The following PCDH9 variants were observed in gnomAD, a reference collection of about 807,000 sequenced individuals.
PCDH9 encodes the protein protocadherin-9.
In PCDH9, 24 loss-of-function variants were observed where a neutral mutation model predicts 70.6. The ratio of observed to expected loss-of-function variants is 0.34; its 90% confidence interval spans 0.25 to 0.48. The LOEUF (loss-of-function observed/expected upper bound fraction) is 0.48. Among genes scored for constraint, PCDH9 ranks in the 20% least tolerant of loss-of-function variants. The probability of loss-of-function intolerance (pLI) is 0.99; values close to 1 mark genes in which losing one functional copy is unlikely to be tolerated. For missense variants in PCDH9, 1,281 were observed against 1,503.6 expected, an observed-to-expected ratio of 0.85 and a Z score of 2.45; for synonymous variants, 562 against 558.5, an observed-to-expected ratio of 1.01 and a Z score of -0.09.
chr13:66,403,260 C>T (rs1327051648), intron 4 of PCDH9, among the ~76,000 whole-genome samples: 16 of 152,088 alleles, frequency 1.1e-4, no homozygotes, highest in African/African-American at 3.9e-4. Flanking sequence ...CCACCTTAGC[C>T]TCCCGAGTAG....
chr13:66,763,600 T>A (rs2079662191), intron 3 of PCDH9, among the ~76,000 whole-genome samples: 1 of 152,022 alleles, frequency 6.6e-6, no homozygotes, highest in Non-Finnish European at 1.5e-5. Flanking sequence ...TAGAGAGGAA[T>A]GAGTAGTCAT....
intron 2 of PCDH9, among the ~76,000 whole-genome samples, chr13:67,015,998 T>C (rs903787883): frequency 1.3e-5 from 2 of 152,164 alleles, no homozygotes; most frequent in Non-Finnish European, 2.9e-5. Context: ...AACATATATT[T>C]TAAGAGTGAA....
At chr13:66,547,098 A>G (rs1380013575) in intron 4 of PCDH9, among the ~76,000 whole-genome samples, 1 of 152,178 alleles carries the variant, frequency 6.6e-6, no homozygotes, top group Non-Finnish European at 1.5e-5. Context: ...TCTTCCACCT[A>G]GTTATTCATC....
At chr13:66,935,723 C>A (rs940641479) in intron 2 of PCDH9, among the ~76,000 whole-genome samples, 1 of 152,102 alleles carries the variant, frequency 6.6e-6, no homozygotes, top group Admixed American at 6.6e-5. Context: ...GTTAAATTAT[C>A]ATTAAATAGT....
intron 2 of PCDH9, among the ~76,000 whole-genome samples, chr13:67,072,967 G>C (rs1265893865): frequency 6.6e-6 from 1 of 152,070 alleles, no homozygotes; most frequent in Non-Finnish European, 1.5e-5. Flanking sequence ...TTGAAATAAT[G>C]GTTGACCACA....
intron 4 of PCDH9, among the ~76,000 whole-genome samples, chr13:66,556,549 G>T (rs1029591219): frequency 3.3e-4 from 50 of 152,022 alleles, no homozygotes; most frequent in African/African-American, 1.2e-3. Flanking sequence ...AAAACAAATA[G>T]GATATTTTTA....
At chr13:67,114,912 A>T (rs561547009) in intron 2 of PCDH9, among the ~76,000 whole-genome samples, 1 of 152,296 alleles carries the variant, frequency 6.6e-6, no homozygotes, top group South Asian at 2.1e-4. Flanking sequence ...ATTTTATGTG[A>T]TAAAATTGTG....
chr13:66,809,165 G>A (rs1302855444), intron 3 of PCDH9, among the ~76,000 whole-genome samples: 3 of 152,076 alleles, frequency 2.0e-5, no homozygotes, highest in Non-Finnish European at 4.4e-5. Context: ...AGCCAGGATG[G>A]TCTTGATCTC....
At chr13:67,126,391 A>C (rs1172807911) in intron 2 of PCDH9, among the ~76,000 whole-genome samples, 2 of 152,202 alleles carry the variant, frequency 1.3e-5, no homozygotes, top group African/African-American at 4.8e-5. Context: ...TAAATATGAA[A>C]GCAAAGCATT....
At chr13:66,418,879 T>C (rs895238115) in intron 4 of PCDH9, among the ~76,000 whole-genome samples, 1 of 151,846 alleles carries the variant, frequency 6.6e-6, no homozygotes, top group African/African-American at 2.4e-5. Flanking sequence ...AAGAATCAAA[T>C]AGACATGTAA....
intron 2 of PCDH9, among the ~76,000 whole-genome samples, chr13:67,085,031 TTGCC>T (rs2086078658): frequency 7.3e-6 from 1 of 136,904 alleles, no homozygotes; most frequent in African/African-American, 2.7e-5. Context: ...TATGTATATG[TTGCC>T]ATTTCATCTT....
chr13:66,914,156 G>A (rs11618220), intron 2 of PCDH9, among the ~76,000 whole-genome samples: 32,622 of 151,714 alleles, frequency 0.22, 3,601 homozygotes, highest in East Asian at 0.36. Flanking sequence ...AGTTCTGTAT[G>A]TTTTAAGGAA....
intron 2 of PCDH9, among the ~76,000 whole-genome samples, chr13:67,017,367 A>G (rs1353871082): frequency 2.0e-5 from 3 of 152,188 alleles, no homozygotes; most frequent in East Asian, 3.9e-4. Flanking sequence ...TTATACCATC[A>G]CTTTTGGGAA....
At chr13:66,918,696 A>T in intron 2 of PCDH9, among the ~76,000 whole-genome samples, 1 of 151,282 alleles carries the variant, frequency 6.6e-6, no homozygotes, top group East Asian at 1.9e-4. Flanking sequence ...TTATTATGAT[A>T]AGGTTACTAA....
At chr13:66,443,271 A>G (rs1396218568) in intron 4 of PCDH9, among the ~76,000 whole-genome samples, 1 of 152,184 alleles carries the variant, frequency 6.6e-6, no homozygotes, top group Non-Finnish European at 1.5e-5. Flanking sequence ...AAAAATTTTT[A>G]GTTAGTATTG....
At chr13:67,167,663 G>T (rs1333855728) in intron 2 of PCDH9, among the ~76,000 whole-genome samples, 1 of 152,146 alleles carries the variant, frequency 6.6e-6, no homozygotes, top group Admixed American at 6.5e-5. Flanking sequence ...CCCAGTGTCA[G>T]CATCTATCCA....
chr13:66,674,800 T>G (rs1294160492), intron 3 of PCDH9, among the ~76,000 whole-genome samples: 1 of 152,090 alleles, frequency 6.6e-6, no homozygotes, highest in African/African-American at 2.4e-5. Flanking sequence ...ATTATAAACA[T>G]CACAGAACAA....
At position 67,110,222 on chromosome 13, in the gene PCDH9, A is replaced by C. The variant is rs58145156; in HGVS notation, c.3036+115183T>G. On this transcript the variant is annotated intron_variant, in intron 2 of 4. Coordinates refer to ENST00000377865, the MANE Select transcript of PCDH9 (RefSeq NM_203487.3). Reference sequence around the variant, plus strand: ...AAAATTTAAAAAAAAAACAAAAAACAAAAAAAGAGAGAGAGATACGGCCGG... The same window carrying C: ...AAAATTTAAAAAAAAAACAAAAAACCAAAAAAGAGAGAGAGATACGGCCGG... Among the ~76,000 whole-genome samples, 734 of 152,080 alleles carry C rather than the reference A, an allele frequency of 4.8e-3. 4 individuals carry two copies. The highest frequency in any genetic ancestry group is 0.016 in the African/African-American group (685 of 41,518).
At chr13:66,974,134 C>T (rs753523942) in intron 2 of PCDH9, among the ~76,000 whole-genome samples, 6 of 151,946 alleles carry the variant, frequency 3.9e-5, no homozygotes, top group Non-Finnish European at 8.8e-5. Flanking sequence ...GGGGGTGAGT[C>T]TGTCTGTATT....
Sources: allele counts gnomAD v4.1 joint callset (sites outside exome capture counted in the v4.1 genomes callset), GRCh38; gene constraint gnomAD v4.1.1; transcripts MANE v1.5; gene names NCBI Gene and HGNC (gene_info 2026-07-23, HGNC 2026-07-21).